The following ARB2A variants were observed in gnomAD, a reference collection of about 807,000 sequenced individuals.
The protein encoded by ARB2A is cotranscriptional regulator ARB2A.
chr5:94,035,869 G>T, the ARB2A span, among the ~76,000 whole-genome samples: 5 of 152,138 alleles, frequency 3.3e-5, no homozygotes, highest in African/African-American at 1.2e-4. Flanking sequence ...GGAGGAGGGG[G>T]TAAGGAGAGG....
the ARB2A span, among the ~76,000 whole-genome samples, chr5:93,700,190 GC>G: frequency 6.6e-6 from 1 of 152,012 alleles, no homozygotes; most frequent in East Asian, 1.9e-4. Context: ...GAATGATTTA[GC>G]AAATATTGTA....
chr5:93,796,151 A>C, the ARB2A span, among the ~76,000 whole-genome samples: 2 of 152,228 alleles, frequency 1.3e-5, no homozygotes, highest in Admixed American at 1.3e-4. Context: ...TTCAAATCTC[A>C]GCCTTTATTC....
At chr5:93,631,822 G>A in the ARB2A span, among the ~76,000 whole-genome samples, 3 of 151,312 alleles carry the variant, frequency 2.0e-5, no homozygotes, top group Non-Finnish European at 2.9e-5. Flanking sequence ...AGGGGAGGGG[G>A]GAGAGAGAAG....
chr5:93,620,699 C>CT, the ARB2A span: 1 of 289,580 alleles, frequency 3.5e-6, no homozygotes, highest in Non-Finnish European at 6.3e-6. Flanking sequence ...GCAATTAGAG[C>CT]TTCGCCGGCC....
the ARB2A span, among the ~76,000 whole-genome samples, chr5:93,697,107 T>A: frequency 1.3e-5 from 2 of 150,398 alleles, no homozygotes; most frequent in African/African-American, 4.9e-5. Context: ...TTTAGTTAGA[T>A]CTTCCCGTCG....
At chr5:94,092,553 T>A in the ARB2A span, among the ~76,000 whole-genome samples, 2 of 152,218 alleles carry the variant, frequency 1.3e-5, no homozygotes, top group East Asian at 3.8e-4. Flanking sequence ...GTTATACATT[T>A]TCTTGAAATC....
At chr5:93,782,922 CA>C in the ARB2A span, among the ~76,000 whole-genome samples, 1 of 151,944 alleles carries the variant, frequency 6.6e-6, no homozygotes, top group African/African-American at 2.4e-5. Context: ...ATAAATTTTA[CA>C]AAAGCTATGC....
chr5:93,985,280 G>T, the ARB2A span, among the ~76,000 whole-genome samples: 2 of 152,086 alleles, frequency 1.3e-5, no homozygotes, highest in East Asian at 3.9e-4. Flanking sequence ...ACATTCCATT[G>T]TGTGGATCTA....
the ARB2A span, among the ~76,000 whole-genome samples, chr5:94,083,978 A>G: frequency 6.6e-6 from 1 of 152,154 alleles, no homozygotes; most frequent in South Asian, 2.1e-4. Flanking sequence ...CATCATTAAT[A>G]ATAGCAAAAA....
the ARB2A span, among the ~76,000 whole-genome samples, chr5:94,092,029 A>G: frequency 6.6e-6 from 1 of 152,140 alleles, no homozygotes. Context: ...TGGCACAAGT[A>G]CTGACACCTC....
the ARB2A span, among the ~76,000 whole-genome samples, chr5:93,690,283 C>T: frequency 6.6e-6 from 1 of 152,298 alleles, no homozygotes; most frequent in South Asian, 2.1e-4. Context: ...CCATGGAGCC[C>T]AGCAAGCTAA....
At chr5:93,740,986 G>A in the ARB2A span, 328 of 1,613,718 alleles carry the variant, frequency 2.0e-4, no homozygotes, top group Non-Finnish European at 2.7e-4. Context: ...AAGGTTCTCT[G>A]CTTCCACTTC....
the ARB2A span, among the ~76,000 whole-genome samples, chr5:93,811,616 A>G: frequency 1.3e-5 from 2 of 152,154 alleles, no homozygotes; most frequent in African/African-American, 4.8e-5. Context: ...TGAGAAGGAA[A>G]ACAAAAACCT....
chr5:93,765,363 C>T, the ARB2A span, among the ~76,000 whole-genome samples: 1 of 152,182 alleles, frequency 6.6e-6, no homozygotes, highest in South Asian at 2.1e-4. Flanking sequence ...GATAGAAAAT[C>T]AATGTGCAAA....
chr5:93,769,870 G>A, the ARB2A span, among the ~76,000 whole-genome samples: 14 of 152,212 alleles, frequency 9.2e-5, no homozygotes, highest in East Asian at 2.5e-3. Flanking sequence ...AAATTTGTTA[G>A]AACAAAATCC....
chr5:94,062,966 C>T, the ARB2A span, among the ~76,000 whole-genome samples: 2 of 152,250 alleles, frequency 1.3e-5, no homozygotes, highest in African/African-American at 4.8e-5. Flanking sequence ...GCTGCTGCCA[C>T]TGGGGCCAAA....
At chr5:93,766,776 C>T in the ARB2A span, among the ~76,000 whole-genome samples, 1 of 152,104 alleles carries the variant, frequency 6.6e-6, no homozygotes, top group African/African-American at 2.4e-5. Flanking sequence ...ATAGCAAAGA[C>T]TTGGAACCAA....
the ARB2A span, among the ~76,000 whole-genome samples, chr5:93,949,416 C>G: frequency 2.6e-5 from 4 of 151,938 alleles, no homozygotes; most frequent in African/African-American, 9.7e-5. Context: ...CAAAAATTAG[C>G]TGGGCGTGGT....
the ARB2A span, among the ~76,000 whole-genome samples, chr5:94,012,568 C>T: frequency 2.0e-5 from 3 of 152,220 alleles, no homozygotes; most frequent in African/African-American, 7.2e-5. Context: ...GTTGTCCGCA[C>T]TGTGCTGACC....
Sources: gnomAD v4.1 joint callset for allele counts (sites outside exome capture counted in the v4.1 genomes callset) on GRCh38, gnomAD v4.1.1 for gene constraint, MANE v1.5 for transcripts, NCBI Gene and HGNC (gene_info 2026-07-23, HGNC 2026-07-21) for gene names.